The following HAUS6 variants were observed in gnomAD, a reference collection of about 807,000 sequenced individuals.
HAUS6 encodes HAUS augmin like complex subunit 6.
In HAUS6, 80 loss-of-function variants were observed where a neutral mutation model predicts 106.8. That is an observed-to-expected ratio of 0.75 (90% CI 0.63 to 0.90). HAUS6 has a LOEUF of 0.90. HAUS6 is among the 40% of genes least tolerant of loss of function. The pLI is 0.00. For synonymous variants in HAUS6, 356 were observed against 379.1 expected (o/e 0.94, Z 0.71); for missense variants, 1,155 against 1,118.1 (o/e 1.03, Z -0.47).
At chr9:19,061,143 A>C (rs1836608434) in intron 14 of HAUS6, among the ~76,000 whole-genome samples, 2 of 152,232 alleles carry the variant, frequency 1.3e-5, no homozygotes, top group Non-Finnish European at 2.9e-5. Flanking sequence ...CAGCCTGGGC[A>C]ACAAGTGCAA....
At chr9:19,063,734 G>A (rs368627448) in intron 12 of HAUS6, 154 bp from the exon 13 acceptor site, 2 of 762,768 alleles carry the variant, frequency 2.6e-6, no homozygotes, top group African/African-American at 3.4e-5. Context: ...TTCTAGGGAG[G>A]CATGGTGACA....
chr9:19,063,419 T>C (rs999337591), intron 13 of HAUS6, 95 bp downstream of exon 13: 4 of 698,778 alleles, frequency 5.7e-6, no homozygotes, highest in African/African-American at 5.5e-5. Flanking sequence ...AATGTGAAAT[T>C]AGAAATTAAA....
intron 9 of HAUS6, among the ~76,000 whole-genome samples, chr9:19,078,574 G>C (rs1301639981): frequency 6.6e-6 from 1 of 152,070 alleles, no homozygotes; most frequent in East Asian, 1.9e-4. Context: ...GATCACCTGA[G>C]GTCAGGAGTT....
chr9:19,100,400 T>A (rs1036987627), intron 1 of HAUS6, among the ~76,000 whole-genome samples: 1 of 152,164 alleles, frequency 6.6e-6, no homozygotes, highest in Non-Finnish European at 1.5e-5. Flanking sequence ...TAATGCCACA[T>A]CCATGTTGAA....
chr9:19,073,498 G>A (rs1386998707), intron 11 of HAUS6, among the ~76,000 whole-genome samples: 1 of 151,558 alleles, frequency 6.6e-6, no homozygotes, highest in Non-Finnish European at 1.5e-5. Context: ...TCAGTATAAA[G>A]GCAAGTAGAG....
chr9:19,087,537 C>T (rs1048828922), intron 5 of HAUS6, among the ~76,000 whole-genome samples: 2 of 152,070 alleles, frequency 1.3e-5, no homozygotes, highest in African/African-American at 4.8e-5. Flanking sequence ...CAAAGTTATC[C>T]TACTGTAACT....
intron 2 of HAUS6, among the ~76,000 whole-genome samples, chr9:19,096,334 G>A (rs1157708747): frequency 1.3e-5 from 2 of 152,128 alleles, no homozygotes; most frequent in African/African-American, 2.4e-5. Context: ...GGAGGCCGAG[G>A]CAGGTGGATC....
chr9:19,102,577 T>G lies in HAUS6; in HGVS notation c.75A>C (p.Pro25=). 1 of 1,613,930 alleles carries G rather than the reference T, an allele frequency of 6.2e-7. No homozygotes were observed. Among genetic ancestry groups the G allele is most frequent in the African/African-American group, 1.3e-5 (1 of 75,076 alleles). Residue 25 remains proline, a synonymous_variant, in exon 1 of 17, where the codon CCA becomes CCC. Coordinates refer to ENST00000380502, the MANE Select transcript of HAUS6 (RefSeq NM_017645.5). ...WMYLQALGFE[P]GPATIACGKI... is the part of the protein sequence containing the mutation. Reference sequence around the variant, plus strand: ...TTCCGCAGGCAATGGTTGCCGGGCCTGGCTCGAAGCCGAGCGCCTGCAGAT... The same window carrying G: ...TTCCGCAGGCAATGGTTGCCGGGCCGGGCTCGAAGCCGAGCGCCTGCAGAT...
intron 16 of HAUS6, chr9:19,057,157 C>T (rs1454956614): frequency 6.6e-6 from 1 of 152,080 alleles, no homozygotes; most frequent in Admixed American, 6.6e-5. Context: ...AAGTTCTAAC[C>T]CCAGTACCTC....
At chr9:19,076,048 G>GT (rs1329919542) in intron 11 of HAUS6, among the ~76,000 whole-genome samples, 1 of 150,834 alleles carries the variant, frequency 6.6e-6, no homozygotes, top group Non-Finnish European at 1.5e-5. Flanking sequence ...GGGTTAGAGG[G>GT]TTTTTTTGAG....
intron 11 of HAUS6, among the ~76,000 whole-genome samples, chr9:19,071,154 AAAG>A (rs1836874254): frequency 6.6e-6 from 1 of 152,238 alleles, no homozygotes; most frequent in Admixed American, 6.5e-5. Flanking sequence ...CAGTTACAGA[AAAG>A]AAGTAAGGAT....
At chr9:19,100,734 C>G (rs1368688565) in intron 1 of HAUS6, among the ~76,000 whole-genome samples, 1 of 152,196 alleles carries the variant, frequency 6.6e-6, no homozygotes, top group Admixed American at 6.5e-5. Context: ...GGTATATATA[C>G]ACAATGGAAT....
At position 19,089,187 on chromosome 9, in the gene HAUS6, G is replaced by T. The variant is rs986396238; in HGVS notation, c.584+225C>A. The stretch of plus-strand genomic sequence containing the variant: ...AAGCCTAGGAAGCAGAGGCTGCAGT[G>T]AGCCGACATCGCGCCACTGCATTCC... On this transcript the variant is annotated intron_variant, in intron 5 of 16. Transcript: ENST00000380502. Among the ~76,000 whole-genome samples the T allele has an allele frequency of 1.2e-4, 19 of 152,016 alleles. 1 individual carries two copies. The highest frequency in any genetic ancestry group is 2.2e-4 in the Non-Finnish European group (15 of 68,016).
chr9:19,095,025 T>G (rs1025387547), intron 2 of HAUS6, among the ~76,000 whole-genome samples: 16 of 151,668 alleles, frequency 1.1e-4, no homozygotes, highest in African/African-American at 3.6e-4. Context: ...AAAGACAATA[T>G]AAATAAATTA....
chr9:19,090,425 C>T (rs951052757), intron 4 of HAUS6, among the ~76,000 whole-genome samples: 2 of 152,146 alleles, frequency 1.3e-5, no homozygotes, highest in Non-Finnish European at 2.9e-5. Context: ...AATGCAGTGG[C>T]GTGATCTCGG....
At chr9:19,098,464 G>A (rs764405135) in intron 1 of HAUS6, among the ~76,000 whole-genome samples, 2 of 150,704 alleles carry the variant, frequency 1.3e-5, no homozygotes, top group African/African-American at 4.9e-5. Context: ...AATTATATAA[G>A]GGAAAATTTA....
intron 1 of HAUS6, among the ~76,000 whole-genome samples, chr9:19,099,530 T>C (rs1367355142): frequency 6.6e-6 from 1 of 151,944 alleles, no homozygotes; most frequent in Non-Finnish European, 1.5e-5. Context: ...AGTGCTACCA[T>C]CATAGCTCAC....
intron 10 of HAUS6, among the ~76,000 whole-genome samples, chr9:19,077,492 G>A (rs13291632): frequency 0.063 from 9,529 of 152,132 alleles, 420 homozygotes; most frequent in East Asian, 0.11. Context: ...CTGAGATCGT[G>A]CCACTGCACT....
chr9:19,102,890 A>C lies in HAUS6; in HGVS notation c.-239T>G. 2 of 372,374 alleles carry C rather than the reference A, an allele frequency of 5.4e-6. No individual in the cohort carries two copies. Among genetic ancestry groups the C allele is most frequent in the South Asian group, 5.3e-5 (1 of 18,856 alleles). 23.1% of individuals were successfully genotyped at this position (372,374 alleles called of 1,614,324 possible). A position where few individuals can be genotyped will look rare whatever the true frequency, so the allele number is the denominator to read the frequency against. On this transcript the variant is annotated 5_prime_UTR_variant, in exon 1 of 17. Transcript: ENST00000380502. ...CTCAGCGAAGCCACCACAAACCGAG[A>C]CTCCCGCCCTTAAGGAAGAGCAGTG...
Sources: allele counts gnomAD v4.1 joint callset (sites outside exome capture counted in the v4.1 genomes callset), GRCh38; gene constraint gnomAD v4.1.1; transcripts MANE v1.5; gene names NCBI Gene and HGNC (gene_info 2026-07-23, HGNC 2026-07-21).